CLEC4A: variants seen among roughly 807,000 people sequenced by gnomAD.
CLEC4A encodes the protein C-type (calcium dependent, carbohydrate-recognition domain) lectin, superfamily member 6.
In CLEC4A, 27 loss-of-function variants were observed where a neutral mutation model predicts 32.7. The observed-to-expected ratio is 0.83, with a 90% CI of 0.61 to 1.14. The LOEUF is 1.14. Among genes scored for constraint, CLEC4A ranks in the 50% most tolerant of loss-of-function variants. CLEC4A has a pLI of 0.00. For synonymous variants in CLEC4A, 89 were observed against 93.7 expected, an observed-to-expected ratio of 0.95 and a Z score of 0.29; for missense variants, 253 against 274.6, an observed-to-expected ratio of 0.92 and a Z score of 0.55.
chr12:8,137,675 C>T (rs1948147697), intron 5 of CLEC4A, among the ~76,000 whole-genome samples: 1 of 151,910 alleles, frequency 6.6e-6, no homozygotes, highest in African/African-American at 2.4e-5. Context: ...AACTGAGAAT[C>T]AGGGAAGTTA....
chr12:8,123,435 A>G (rs576836742), upstream of CLEC4A, among the ~76,000 whole-genome samples: 7 of 152,240 alleles, frequency 4.6e-5, no homozygotes, highest in Admixed American at 2.6e-4. Flanking sequence ...TGAATGCAAC[A>G]TAAGTCTATG....
At chr12:8,136,931 T>A (rs1236612604) in intron 5 of CLEC4A, 28 bp downstream of exon 5, 1 of 1,488,286 alleles carries the variant, frequency 6.7e-7, no homozygotes, top group East Asian at 2.3e-5. Flanking sequence ...TAAAAGAATC[T>A]TGGGTCCTGG....
upstream of CLEC4A, chr12:8,123,584 C>A (rs1219992070): frequency 4.0e-6 from 1 of 250,776 alleles, no homozygotes; most frequent in African/African-American, 2.2e-5. Flanking sequence ...CTTTCCGCAA[C>A]CCTTTGAGTT....
At chr12:8,119,683 T>C (rs1037506345), upstream of CLEC4A, among the ~76,000 whole-genome samples, 120 of 152,360 alleles carry the variant, frequency 7.9e-4, no homozygotes, top group African/African-American at 2.8e-3. Context: ...TCAATATAAA[T>C]AGTCTAACGA....
At position 8,138,270 on chromosome 12, in the gene CLEC4A, A is replaced by G. The variant is rs764286001; in HGVS notation, c.697A>G (p.Met233Val). 1.2e-6 allele frequency: 2 copies of G among 1,614,180 alleles called. No individual in the cohort carries two copies. Among genetic ancestry groups the G allele is most frequent in the South Asian group, 2.2e-5 (2 of 91,078 alleles). ...TCCTCAAAGGTCAGTTTGTGAGATG[A>G]TGAAGATCCACTTATGAACTGAACA... is the stretch of plus-strand genomic sequence containing the variant. ...LGPQRSVCEMMKIHL is the reference protein window; with the variant it reads ...LGPQRSVCEMVKIHL The change falls in exon 6 of 6, where the codon ATG becomes GTG. Residue 233 changes from methionine (M) to valine (V), a missense_variant. By Grantham distance (21) the Met-to-Val change is conservative. Transcript: ENST00000229332.
At chr12:8,112,023 C>T in the CLEC4A span, among the ~76,000 whole-genome samples, 3 of 151,502 alleles carry the variant, frequency 2.0e-5, no homozygotes, top group Non-Finnish European at 4.4e-5. Context: ...GGCTGGAGTG[C>T]AATGGTGCAA....
chr12:8,132,938 G>A (rs892932607), intron 3 of CLEC4A, among the ~76,000 whole-genome samples: 1 of 151,286 alleles, frequency 6.6e-6, no homozygotes, highest in African/African-American at 2.4e-5. Context: ...TTTTTCAGAC[G>A]AAGTCTCGCT....
rs1418413505 is a variant in CLEC4A, at chr12:8,123,916, A to G, written c.38A>G (p.Lys13Arg). 1.2e-6 allele frequency: 2 copies of G among 1,613,616 alleles called. No individual in the cohort carries two copies. Among genetic ancestry groups the G allele is most frequent in the African/African-American group, 2.7e-5 (2 of 75,052 alleles). Residue 13 changes from lysine to arginine, a missense_variant, in exon 1 of 6, where the codon AAA (lysine) becomes AGA (arginine). By Grantham distance (26) the Lys-to-Arg change is conservative. Transcript: ENST00000229332. The stretch of plus-strand genomic sequence containing the variant: ...ATCACTTATGCTGAAGTGAGGTTCA[A>G]AAATGAATTCAAGTCCTCAGGCATC... Reference protein sequence around the residue: ...SEITYAEVRFKNEFKSSGINT... With the variant: ...SEITYAEVRFRNEFKSSGINT...
chr12:8,137,520 C>A (rs1279592084), intron 5 of CLEC4A, among the ~76,000 whole-genome samples: 1 of 152,226 alleles, frequency 6.6e-6, no homozygotes, highest in East Asian at 1.9e-4. Context: ...TTATGTAATT[C>A]TTTAATTGCA....
At chr12:8,103,343 G>T in the CLEC4A span, among the ~76,000 whole-genome samples, 4 of 99,138 alleles carry the variant, frequency 4.0e-5, no homozygotes, top group Non-Finnish European at 9.0e-5. Flanking sequence ...ACAAACTTAA[G>T]AACTACTAGT....
At chr12:8,135,492 A>T (rs1948096793) in intron 3 of CLEC4A, 93 bp from the exon 4 acceptor site, 2 of 1,332,940 alleles carry the variant, frequency 1.5e-6, no homozygotes, top group South Asian at 1.5e-5. Flanking sequence ...TCCAGCTTCC[A>T]TGTGCTCTCT....
Position 8,134,979 on chromosome 12 carries a change from G to GTTTTTGT in CLEC4A, c.299-601_299-600insGTTTTTT, listed in dbSNP as rs1948073970. The GTTTTTGT allele has an allele frequency of 5.7e-4, 94 of 166,002 alleles. 6 individuals carry two copies. Among genetic ancestry groups the GTTTTTGT allele is most frequent in the South Asian group, 1.2e-3 (3 of 2,518 alleles). The allele number at this position is 166,002 out of a possible 1,614,324, so 10.3% of individuals were successfully genotyped here. ...TGTATCTTCTTGTTGAAGCGTTTTTGTTTTTTGTTTTTTTTTAATCATGGC... is the reference window on the plus strand; with the variant it reads ...TGTATCTTCTTGTTGAAGCGTTTTTGTTTTTGTTTTTTTGTTTTTTTTTAATCATGGC... On this transcript the variant is annotated intron_variant, in intron 3 of 5. Transcript: ENST00000229332.
At chr12:8,112,021 T>C in the CLEC4A span, among the ~76,000 whole-genome samples, 11 of 151,608 alleles carry the variant, frequency 7.3e-5, no homozygotes, top group Non-Finnish European at 1.0e-4. Context: ...CAGGCTGGAG[T>C]GCAATGGTGC....
upstream of CLEC4A, among the ~76,000 whole-genome samples, chr12:8,119,929 C>T (rs970364136): frequency 2.6e-5 from 4 of 152,258 alleles, no homozygotes; most frequent in East Asian, 7.7e-4. Context: ...ATTAGAATGA[C>T]TCACTGAACT....
At chr12:8,133,349 C>G (rs1403287539) in intron 3 of CLEC4A, among the ~76,000 whole-genome samples, 5 of 152,190 alleles carry the variant, frequency 3.3e-5, no homozygotes, top group Admixed American at 1.3e-4. Flanking sequence ...CTGTGCCCAG[C>G]CTTTTCTGTC....
intron 3 of CLEC4A, 27 bp from the exon 4 acceptor site, chr12:8,135,558 A>T: frequency 6.2e-7 from 1 of 1,611,374 alleles, no homozygotes; most frequent in Non-Finnish European, 8.5e-7. Flanking sequence ...TTTATATTGC[A>T]CGTATGTGCC....
the CLEC4A span, among the ~76,000 whole-genome samples, chr12:8,118,433 GA>G: frequency 1.3e-5 from 2 of 151,070 alleles, no homozygotes; most frequent in African/African-American, 4.9e-5. Flanking sequence ...AATTCATAAA[GA>G]AAAAGAGCTT....
intron 4 of CLEC4A, among the ~76,000 whole-genome samples, chr12:8,136,540 G>A (rs1323808838): frequency 6.7e-6 from 1 of 148,520 alleles, no homozygotes; most frequent in Non-Finnish European, 1.5e-5. Context: ...CTCCAGCCTG[G>A]GACAGAAAGT....
At chr12:8,114,247 T>C in the CLEC4A span, among the ~76,000 whole-genome samples, 2 of 152,150 alleles carry the variant, frequency 1.3e-5, no homozygotes, top group Non-Finnish European at 2.9e-5. Context: ...AATTCCTTTA[T>C]TTCTTTTTTT....
Sources: allele counts gnomAD v4.1 joint callset (sites outside exome capture counted in the v4.1 genomes callset), GRCh38; gene constraint gnomAD v4.1.1; transcripts MANE v1.5; gene names NCBI Gene and HGNC (gene_info 2026-07-23, HGNC 2026-07-21).